Variants in USP54 observed in about 807,000 individuals in gnomAD.
USP54 encodes the protein ubiquitin specific peptidase 54.
In USP54, 87 loss-of-function variants were observed where a neutral mutation model predicts 170.5. The ratio of observed to expected loss-of-function variants is 0.51; its 90% CI spans 0.43 to 0.61. The LOEUF (loss-of-function observed/expected upper bound fraction) is 0.61, where lower values mean the gene tolerates loss of function less well. Among genes scored for constraint, USP54 ranks in the 20% least tolerant of loss-of-function variants. The probability of loss-of-function intolerance (pLI) is 0.00; values close to 1 mark genes in which losing one functional copy is unlikely to be tolerated. For missense variants in USP54, 1,786 were observed against 2,047.8 expected, an observed-to-expected ratio of 0.87 and a Z score of 2.47; for synonymous variants, 655 against 742.8, an observed-to-expected ratio of 0.88 and a Z score of 1.92.
At chr10:73,611,086 T>G (rs1231218546) in intron 1 of USP54, among the ~76,000 whole-genome samples, 1 of 152,232 alleles carries the variant, frequency 6.6e-6, no homozygotes, top group Non-Finnish European at 1.5e-5. Context: ...AACATTTTTG[T>G]ACATTCTACC....
At position 73,526,827 on chromosome 10, in the gene USP54, T is replaced by C. The variant is rs560302960; in HGVS notation, c.2061-47A>G. 4.4e-6 allele frequency: 7 copies of C among 1,599,398 alleles called. No homozygotes were observed. In the South Asian group the frequency reaches 6.8e-5, roughly 15 times the overall value. On this transcript the variant is annotated intron_variant, in intron 15 of 23. Coordinates refer to ENST00000687698, the MANE Select transcript of USP54 (RefSeq NM_001391956.1). ...CTAGTGAAAGCATGAAAGCAGGTTA[T>C]AGCAACATTCCTAGGACTAAATCTC...
At chr10:73,556,929 C>CTTTTAT in intron 4 of USP54, among the ~76,000 whole-genome samples, 1 of 152,282 alleles carries the variant, frequency 6.6e-6, no homozygotes, top group African/African-American at 2.4e-5. Flanking sequence ...CTTATACTAG[C>CTTTTAT]ATTCTTAAAA....
At chr10:73,564,498 C>T (rs2073839773) in intron 4 of USP54, among the ~76,000 whole-genome samples, 1 of 152,070 alleles carries the variant, frequency 6.6e-6, no homozygotes, top group Non-Finnish European at 1.5e-5. Context: ...GATTTATTTG[C>T]CATACTGTGT....
rs114485466 is a variant in USP54, at chr10:73,514,276, C to T, written c.4051+2099G>A. 1.8e-3 allele frequency among the ~76,000 whole-genome samples: 278 copies of T among 152,158 alleles called. 1 individual carries two copies. The highest frequency in any genetic ancestry group is 5.9e-3 in the African/African-American group (244 of 41,546). On this transcript the variant is annotated intron_variant, in intron 20 of 23. Transcript: ENST00000687698. ...GGCCTTATTATTCTTAAAATAATTA[C>T]TTGTGGCCTGGCACGGTGGCTCACG...
At position 73,508,403 on chromosome 10, in the gene USP54, G is replaced by GA. The variant is rs1243094191; in HGVS notation, c.4052-2978dup. ...GACTGGGCGATAGAGTGAGAATCCA[G>GA]AAAAAAAAAAAAAAAAAGAATTTAA... On this transcript the variant is annotated intron_variant, in intron 20 of 23. Coordinates refer to ENST00000687698, the MANE Select transcript of USP54 (RefSeq NM_001391956.1). Among the ~76,000 whole-genome samples the GA allele has an allele frequency of 9.3e-3, 696 of 74,780 alleles. 2 individuals carry two copies. Among genetic ancestry groups the GA allele is most frequent in the African/African-American group, 0.018 (426 of 23,738 alleles). The allele number at this position is 74,780 out of a possible 152,430, so 49.1% of individuals were successfully genotyped here. A position where few individuals can be genotyped will look rare whatever the true frequency, so the allele number is the denominator to read the frequency against.
At chr10:73,542,192 G>A (rs2066754269) in intron 7 of USP54, among the ~76,000 whole-genome samples, 1 of 152,190 alleles carries the variant, frequency 6.6e-6, no homozygotes, top group East Asian at 1.9e-4. Context: ...TCCGCCTCCT[G>A]GGTTCAAGCA....
chr10:73,618,166 G>A (rs953546593), intron 1 of USP54, among the ~76,000 whole-genome samples: 3 of 149,472 alleles, frequency 2.0e-5, no homozygotes, highest in Non-Finnish European at 1.5e-5. Flanking sequence ...AACCGAGATT[G>A]CGCCACTGCA....
At chr10:73,594,325 C>T (rs915443189), upstream of USP54, among the ~76,000 whole-genome samples, 1 of 152,134 alleles carries the variant, frequency 6.6e-6, no homozygotes, top group Non-Finnish European at 1.5e-5. Context: ...CCTGACTCAG[C>T]CTCTCAAAGT....
intron 11 of USP54, 156 bp downstream of exon 11, chr10:73,536,112 GT>G: frequency 9.9e-7 from 1 of 1,013,794 alleles, no homozygotes; most frequent in Non-Finnish European, 1.5e-6. Flanking sequence ...GCTGGCCCAA[GT>G]TAGGCTTCAG....
At chr10:73,536,185 C>G (rs1189890208) in intron 11 of USP54, 84 bp downstream of exon 11, 1 of 1,539,994 alleles carries the variant, frequency 6.5e-7, no homozygotes, top group African/African-American at 1.4e-5. Flanking sequence ...AGGTTACGAG[C>G]TAAGCACATA....
rs115025307 is a variant in USP54 at position 73,550,825 on chromosome 10, G to A, written c.241-5153C>T. Reference sequence around the variant, plus strand: ...AATTTCAGGTCAAAATTGTTTTTCCGGCCAGGCGTGGTGGCTCACGCCTGC... The same window carrying A: ...AATTTCAGGTCAAAATTGTTTTTCCAGCCAGGCGTGGTGGCTCACGCCTGC... On this transcript the variant is annotated intron_variant, in intron 4 of 23. Coordinates refer to ENST00000687698, the MANE Select transcript of USP54 (RefSeq NM_001391956.1). Among the ~76,000 whole-genome samples the A allele has an allele frequency of 7.7e-3, 1,169 of 152,136 alleles. 13 individuals are homozygous for A. Among genetic ancestry groups the A allele is most frequent in the African/African-American group, 0.027 (1,102 of 41,494 alleles).
chr10:73,612,808 C>T (rs1382807602), intron 1 of USP54, among the ~76,000 whole-genome samples: 1 of 147,130 alleles, frequency 6.8e-6, no homozygotes, highest in African/African-American at 2.5e-5. Flanking sequence ...CCAAAGCACT[C>T]CAGCCTGGGA....
Position 73,539,603 on chromosome 10 carries a change from A to G in USP54, c.826-10T>C. The G allele has an allele frequency of 6.3e-7, 1 of 1,574,902 alleles. No homozygotes were observed. The highest frequency in any genetic ancestry group is 1.2e-5 in the South Asian group (1 of 84,590). The stretch of plus-strand genomic sequence containing the variant: ...TCACTCTGAAAAACAGCTGAGGGGA[A>G]AGAAGAGAAAAGAAAGCACAGTCAC... On this transcript the variant is annotated splice_polypyrimidine_tract_variant and intron_variant, in intron 9 of 23. Transcript: ENST00000687698.
intron 10 of USP54, among the ~76,000 whole-genome samples, chr10:73,539,056 G>A (rs1006800054): frequency 1.3e-5 from 2 of 151,904 alleles, no homozygotes; most frequent in Middle Eastern, 3.4e-3. Flanking sequence ...TGAGGTAGGC[G>A]GATCACAAGG....
intron 1 of USP54, among the ~76,000 whole-genome samples, chr10:73,606,175 C>CAAAAAAAAAAAA (rs1178699732): frequency 4.3e-4 from 11 of 25,622 alleles, no homozygotes; most frequent in Non-Finnish European, 9.8e-4. Context: ...GAGGCTGTCT[C>CAAAAAAAAAAAA]AAAAAAAAAA....
At chr10:73,588,049 TCCC>T (rs1018113627) in intron 1 of USP54, among the ~76,000 whole-genome samples, 3 of 152,092 alleles carry the variant, frequency 2.0e-5, no homozygotes, top group Admixed American at 6.6e-5. Flanking sequence ...GCATTATCTC[TCCC>T]CCATCTCTCT....
intron 4 of USP54, 86 bp downstream of exon 4, chr10:73,571,335 G>A: frequency 9.2e-7 from 1 of 1,087,176 alleles, no homozygotes; most frequent in Non-Finnish European, 1.4e-6. Context: ...AAATTCTTTG[G>A]CATCATCCTG....
At chr10:73,512,721 T>G (rs1361913521) in intron 20 of USP54, among the ~76,000 whole-genome samples, 9 of 147,280 alleles carry the variant, frequency 6.1e-5, no homozygotes, top group Admixed American at 6.0e-4. Flanking sequence ...GATTGACTAC[T>G]AGATAGATTT....
rs937630388 is a variant in USP54 at position 73,591,342 on chromosome 10, T to C, written c.-646A>G. On this transcript the variant is annotated 5_prime_UTR_variant, in exon 1 of 24. Transcript: ENST00000687698. ...ACGAGGGTATCTGTGGGGCAAGTGA[T>C]ACAAGAATGGGGAGGGATATGGGAA... 2 of 152,094 alleles carry C rather than the reference T, an allele frequency of 1.3e-5. No individual in the cohort carries two copies. Among genetic ancestry groups the C allele is most frequent in the African/African-American group, 2.4e-5 (1 of 41,384 alleles). 9.4% of individuals were successfully genotyped at this position (152,094 alleles called of 1,614,324 possible).
Sources: gnomAD v4.1 joint callset for allele counts (sites outside exome capture counted in the v4.1 genomes callset) on GRCh38, gnomAD v4.1.1 for gene constraint, MANE v1.5 for transcripts, NCBI Gene and HGNC (gene_info 2026-07-23, HGNC 2026-07-21) for gene names.